The following ACSBG2 variants were observed in gnomAD, a reference collection of about 807,000 sequenced individuals.
The protein encoded by ACSBG2 is acyl-CoA synthetase bubblegum family member 2.
In ACSBG2, 62 loss-of-function variants were observed where a neutral mutation model predicts 74.7. The observed-to-expected ratio is 0.83, with a 90% confidence interval of 0.68 to 1.03. The LOEUF is 1.03. ACSBG2 is among the 50% of genes least tolerant of loss of function. The pLI, the probability that ACSBG2 is intolerant of heterozygous loss-of-function variation, is 0.00. For synonymous variants in ACSBG2, 309 were observed against 294.1 expected (o/e 1.05, Z -0.52); for missense variants, 730 against 817.6 (o/e 0.89, Z 1.31).
intron 4 of ACSBG2, among the ~76,000 whole-genome samples, chr19:6,153,229 G>C (rs1184219698): frequency 1.3e-5 from 2 of 152,116 alleles, no homozygotes; most frequent in East Asian, 1.9e-4. Context: ...CTGGGCGACA[G>C]AGCGAGACTC....
At chr19:6,179,293 A>ATTTTTTTTTT (rs1169472742) in intron 8 of ACSBG2, among the ~76,000 whole-genome samples, 1 of 118,594 alleles carries the variant, frequency 8.4e-6, no homozygotes. Context: ...TCTTTTCTAA[A>ATTTTTTTTTT]TTTTTTTTTT....
In ACSBG2 at chr19:6,187,754, T is replaced by C; in HGVS notation, c.1836T>C (p.Asn612=). 1 of 1,613,982 alleles carries C rather than the reference T, an allele frequency of 6.2e-7. No homozygotes were observed. Among genetic ancestry groups the C allele is most frequent in the East Asian group, 2.2e-5 (1 of 44,876 alleles). ...ACAAGGCCATCCAGCAAGGCATCAATGCTGTGAACCAGGAAGCCATGAACA... is the reference window on the plus strand; with the variant it reads ...ACAAGGCCATCCAGCAAGGCATCAACGCTGTGAACCAGGAAGCCATGAACA... ...LVYKAIQQGI[N]AVNQEAMNNA... is the part of the protein sequence containing the mutation. Residue 612 remains asparagine, a synonymous_variant, in exon 13 of 15, where the codon AAT becomes AAC. Transcript: ENST00000588485.
At chr19:6,169,568 C>G (rs2089907077) in intron 7 of ACSBG2, among the ~76,000 whole-genome samples, 2 of 151,976 alleles carry the variant, frequency 1.3e-5, no homozygotes, top group Admixed American at 6.6e-5. Context: ...TCTATTTGGG[C>G]TTTCTGGTTC....
At chr19:6,149,148 C>T (rs931198248) in intron 3 of ACSBG2, among the ~76,000 whole-genome samples, 10 of 152,016 alleles carry the variant, frequency 6.6e-5, no homozygotes, top group Middle Eastern at 3.4e-3. Context: ...GAAACAAAAC[C>T]AAAAATAAAA....
At position 6,184,865 on chromosome 19, in the gene ACSBG2, A is replaced by C. The variant is rs1172971439; in HGVS notation, c.1323-571A>C. On this transcript the variant is annotated intron_variant, in intron 10 of 14. Coordinates refer to ENST00000588485, the MANE Select transcript of ACSBG2 (RefSeq NM_030924.5). The stretch of plus-strand genomic sequence containing the variant: ...AAAAAAAAAAAAAAAAAAAAAAAAA[A>C]AAAAAAACGAAAAACAGCCTGCAAT... 1.5e-3 allele frequency among the ~76,000 whole-genome samples: 211 copies of C among 140,564 alleles called. 2 individuals carry two copies. Among genetic ancestry groups the C allele is most frequent in the African/African-American group, 5.4e-3 (196 of 36,164 alleles). The allele number at this position is 140,564 out of a possible 152,430, so 92.2% of individuals were successfully genotyped here.
intron 2 of ACSBG2, among the ~76,000 whole-genome samples, chr19:6,142,460 T>C (rs2088877848): frequency 6.6e-6 from 1 of 150,964 alleles, no homozygotes; most frequent in Admixed American, 6.6e-5. Flanking sequence ...AGTCAGAAAA[T>C]AGTGAAAGTG....
chr19:6,168,843 A>G (rs2089887244), intron 7 of ACSBG2, among the ~76,000 whole-genome samples: 1 of 152,108 alleles, frequency 6.6e-6, no homozygotes, highest in African/African-American at 2.4e-5. Flanking sequence ...CAGTGACACT[A>G]TCGCGGCACA....
chr19:6,153,071 A>G (rs1021587433), intron 4 of ACSBG2, among the ~76,000 whole-genome samples: 1 of 151,892 alleles, frequency 6.6e-6, no homozygotes, highest in Admixed American at 6.6e-5. Flanking sequence ...CTGAAACCCC[A>G]TCTCTACTAA....
rs2089425376 is a variant in ACSBG2 at position 6,156,521 on chromosome 19, G to A, written c.477G>A (p.Glu159=). 1 of 1,591,122 alleles carries A rather than the reference G, an allele frequency of 6.3e-7. No individual in the cohort carries two copies. Among genetic ancestry groups the A allele is most frequent in the East Asian group, 2.3e-5 (1 of 43,278 alleles). Residue 159 remains glutamate (E), a synonymous_variant, in exon 5 of 15, where the codon GAG becomes GAA. Coordinates refer to ENST00000588485, the MANE Select transcript of ACSBG2 (RefSeq NM_030924.5). ...CCAAAGTGAACATCTTGCTGGTTGA[G>A]AATGATCAACAGTTACAGAAAATCC... is the stretch of plus-strand genomic sequence containing the variant. ...THAKVNILLV[E]NDQQLQKILS... is the part of the protein sequence containing the mutation.
intron 6 of ACSBG2, among the ~76,000 whole-genome samples, chr19:6,163,745 A>C (rs1316253367): frequency 2.1e-5 from 3 of 144,884 alleles, no homozygotes; most frequent in Non-Finnish European, 4.5e-5. Context: ...ACAGAGCAAG[A>C]CTCTGTCTCC....
intron 10 of ACSBG2, among the ~76,000 whole-genome samples, chr19:6,184,859 A>AAACAAAACAAACAAAC (rs1600130217): frequency 6.9e-6 from 1 of 143,910 alleles, no homozygotes; most frequent in East Asian, 2.0e-4. Context: ...AAAAAAAAAA[A>AAACAAAACAAACAAAC]AAAAAAAAAA....
intron 2 of ACSBG2, among the ~76,000 whole-genome samples, chr19:6,142,663 G>A (rs1251167849): frequency 3.3e-5 from 5 of 149,608 alleles, no homozygotes; most frequent in African/African-American, 1.2e-4. Flanking sequence ...TGAGGCAGGA[G>A]AATGGCGTGA....
intron 9 of ACSBG2, 34 bp from the exon 10 acceptor site, chr19:6,183,005 G>A (rs1460857779): frequency 1.2e-6 from 2 of 1,613,368 alleles, no homozygotes; most frequent in Admixed American, 3.3e-5. Context: ...GGTCCCATCA[G>A]CCCTTCTCCA....
intron 1 of ACSBG2, among the ~76,000 whole-genome samples, chr19:6,136,490 A>C (rs1174624782): frequency 1.3e-5 from 2 of 150,944 alleles, no homozygotes; most frequent in Non-Finnish European, 3.0e-5. Context: ...GACCTCTCAA[A>C]GTGCTGGGAT....
intron 3 of ACSBG2, among the ~76,000 whole-genome samples, chr19:6,149,154 T>G (rs1049671632): frequency 9.2e-5 from 14 of 151,698 alleles, no homozygotes; most frequent in African/African-American, 3.4e-4. Context: ...AAACCAAAAA[T>G]AAAAACAAAC....
chr19:6,181,822 C>CCA (rs1555696907), intron 8 of ACSBG2, among the ~76,000 whole-genome samples: 1 of 125,788 alleles, frequency 7.9e-6, no homozygotes, highest in Non-Finnish European at 1.6e-5. Context: ...CGCCCCCCCC[C>CCA]CCAACGAAAT....
chr19:6,164,434 C>CTTTT lies in ACSBG2; in HGVS notation c.589-1419_589-1416dup, dbSNP rs542313082. On this transcript the variant is annotated intron_variant, in intron 6 of 14. Coordinates refer to ENST00000588485, the MANE Select transcript of ACSBG2 (RefSeq NM_030924.5). ...CCATCTGTAGAGGACTTTGAGGGGC[C>CTTTT]TTTTTTTTTTTTTTTTGAGATGGAG... is the stretch of plus-strand genomic sequence containing the variant. Among the ~76,000 whole-genome samples, 65 of 133,854 alleles carry CTTTT rather than the reference C, an allele frequency of 4.9e-4. No individual in the cohort carries two copies. The South Asian group carries it at 7.6e-3, about 16-fold the overall frequency. The allele number at this position is 133,854 out of a possible 152,430, so 87.8% of individuals were successfully genotyped here. A position where few individuals can be genotyped will look rare whatever the true frequency, so the allele number is the denominator to read the frequency against.
intron 5 of ACSBG2, 88 bp downstream of exon 5, chr19:6,156,639 C>G: frequency 7.3e-7 from 1 of 1,377,054 alleles, no homozygotes; most frequent in East Asian, 2.6e-5. Context: ...CAGGTAAATT[C>G]TAATGATAAG....
intron 1 of ACSBG2, among the ~76,000 whole-genome samples, chr19:6,139,632 C>T (rs182532043): frequency 1.9e-4 from 29 of 152,168 alleles, no homozygotes; most frequent in Non-Finnish European, 3.5e-4. Context: ...CGCTCTTTAT[C>T]ATGAACAAAA....
Sources: allele counts gnomAD v4.1 joint callset (sites outside exome capture counted in the v4.1 genomes callset), GRCh38; gene constraint gnomAD v4.1.1; transcripts MANE v1.5; gene names NCBI Gene and HGNC (gene_info 2026-07-23, HGNC 2026-07-21).